ITGA1: variants seen among roughly 807,000 people sequenced by gnomAD.
The protein encoded by ITGA1 is integrin alpha-1.
In ITGA1, 85 loss-of-function variants were observed where a neutral mutation model predicts 145.9. That is an observed-to-expected ratio of 0.58 (90% CI 0.49 to 0.70). The LOEUF (loss-of-function observed/expected upper bound fraction) is 0.70. ITGA1 is among the 30% of genes least tolerant of loss of function. ITGA1 has a pLI of 0.00. For missense variants in ITGA1, 1,351 were observed against 1,418.7 expected (o/e 0.95, Z 0.77); for synonymous variants, 520 against 495.3 (o/e 1.05, Z -0.66).
At chr5:52,818,657 G>C (rs1335946936) in intron 1 of ITGA1, among the ~76,000 whole-genome samples, 3 of 152,148 alleles carry the variant, frequency 2.0e-5, no homozygotes, top group Non-Finnish European at 4.4e-5. Context: ...TAGACCATTA[G>C]AGAATTTAAA....
chr5:52,901,381 G>A (rs575957918), intron 11 of ITGA1, among the ~76,000 whole-genome samples: 4 of 152,160 alleles, frequency 2.6e-5, no homozygotes, highest in Non-Finnish European at 5.9e-5. Flanking sequence ...AAGATAAAAA[G>A]TTCATGATGC....
At chr5:52,802,176 C>T (rs1748502867) in intron 1 of ITGA1, 1 of 187,784 alleles carries the variant, frequency 5.3e-6, no homozygotes, top group African/African-American at 2.4e-5. Flanking sequence ...CAAAATTTCA[C>T]ACTGCATGCT....
chr5:52,871,916 G>A (rs1749782295), intron 6 of ITGA1, among the ~76,000 whole-genome samples: 1 of 151,900 alleles, frequency 6.6e-6, no homozygotes, highest in Non-Finnish European at 1.5e-5. Flanking sequence ...AAGATATGAT[G>A]GTGTAAACAT....
In ITGA1 at chr5:52,849,479, GA is replaced by G; in HGVS notation, c.180del (p.Lys60AsnfsTer9). On this transcript the variant is annotated frameshift_variant, in exon 2 of 29. Coordinates refer to ENST00000282588, the MANE Select transcript of ITGA1 (RefSeq NM_181501.2). LOFTEE classifies it high-confidence loss of function. ...YTVQQYENEE[G>X]KWVLIGSPLV... is the part of the protein sequence containing the mutation. ...GTTCAACAATATGAAAATGAAGAAG[GA>G]AAATGGTAAGCCAGTGGGTTTTGTT... is the stretch of plus-strand genomic sequence containing the variant. 5.0e-6 allele frequency: 8 copies of G among 1,598,692 alleles called. No individual in the cohort carries two copies. The highest frequency in any genetic ancestry group is 1.3e-5 in the African/African-American group (1 of 74,812).
chr5:52,826,692 T>G (rs1159670874), intron 1 of ITGA1, among the ~76,000 whole-genome samples: 3 of 152,228 alleles, frequency 2.0e-5, no homozygotes, highest in Non-Finnish European at 4.4e-5. Flanking sequence ...AGCACTATGC[T>G]AAATCTACCT....
Position 52,911,070 on chromosome 5 carries a change from TGTATATATA to T in ITGA1, c.1857+663_1857+671del, listed in dbSNP as rs1461765740. Among the ~76,000 whole-genome samples, 542 of 133,366 alleles carry T rather than the reference TGTATATATA, an allele frequency of 4.1e-3. 2 individuals carry two copies. Among genetic ancestry groups the T allele is most frequent in the Middle Eastern group, 0.034 (3 of 88 alleles). The allele number at this position is 133,366 out of a possible 152,430, so 87.5% of individuals were successfully genotyped here. A position where few individuals can be genotyped will look rare whatever the true frequency, so the allele number is the denominator to read the frequency against. On this transcript the variant is annotated intron_variant, in intron 14 of 28. Coordinates refer to ENST00000282588, the MANE Select transcript of ITGA1 (RefSeq NM_181501.2). The stretch of plus-strand genomic sequence containing the variant: ...TATATACTATACATAGTGTATATAG[TGTATATATA>T]GTATATATAGTGTATATATAGTGTA...
intron 8 of ITGA1, among the ~76,000 whole-genome samples, chr5:52,892,375 TTAGACATTTCTGATGGGAATAG>T (rs143244899): frequency 0.028 from 4,318 of 152,282 alleles, 249 homozygotes; most frequent in African/African-American, 0.1. Context: ...GCTGGATCTC[TTAGACATTTCTGATGGGAATAG>T]TAAAATGGCA....
chr5:52,793,809 C>G (rs1748287506), intron 1 of ITGA1, among the ~76,000 whole-genome samples: 1 of 151,978 alleles, frequency 6.6e-6, no homozygotes, highest in Non-Finnish European at 1.5e-5. Context: ...TCCAAATGCT[C>G]TATCTTTAGA....
At chr5:52,922,676 G>T (rs1579722125) in intron 17 of ITGA1, 101 bp from the exon 18 acceptor site, 2 of 749,884 alleles carry the variant, frequency 2.7e-6, no homozygotes, top group East Asian at 5.0e-5. Context: ...CAAGAATGCT[G>T]CAGTAAGCCT....
intron 1 of ITGA1, among the ~76,000 whole-genome samples, chr5:52,814,066 A>G (rs1174316261): frequency 1.3e-5 from 2 of 152,146 alleles, no homozygotes; most frequent in Admixed American, 6.5e-5. Context: ...CTGATGACAT[A>G]TCACTGTTTT....
At chr5:52,851,427 C>A (rs1167169198) in intron 2 of ITGA1, among the ~76,000 whole-genome samples, 1 of 152,120 alleles carries the variant, frequency 6.6e-6, no homozygotes, top group African/African-American at 2.4e-5. Flanking sequence ...ACAGTCCCTC[C>A]TTTCAAGGCA....
chr5:52,889,086 T>A (rs1334815081), intron 8 of ITGA1, among the ~76,000 whole-genome samples: 1 of 139,508 alleles, frequency 7.2e-6, no homozygotes, highest in Non-Finnish European at 1.6e-5. Flanking sequence ...AGTATTTCAG[T>A]TGCTGCTCTA....
rs1750828261 is a variant in ITGA1, at chr5:52,927,451, C to A, written c.2614-133C>A. The A allele has an allele frequency of 1.3e-5, 8 of 598,110 alleles. No homozygotes were observed. The South Asian group carries it at 1.9e-4, about 14-fold the overall frequency. The allele number at this position is 598,110 out of a possible 1,614,324, so 37.1% of individuals were successfully genotyped here. A position where few individuals can be genotyped will look rare whatever the true frequency, so the allele number is the denominator to read the frequency against. ...GAACAGCTGGTCCCAGAATTCTGTG[C>A]CTCTTCCAGCTAAATCGAGACAAAA... On this transcript the variant is annotated intron_variant, in intron 19 of 28. Coordinates refer to ENST00000282588, the MANE Select transcript of ITGA1 (RefSeq NM_181501.2).
chr5:52,924,727 G>C (rs1011075251), intron 18 of ITGA1, among the ~76,000 whole-genome samples: 1 of 152,140 alleles, frequency 6.6e-6, no homozygotes, highest in Non-Finnish European at 1.5e-5. Context: ...GTGAGGTGGT[G>C]GTGGGACTGC....
chr5:52,789,577 C>T (rs2111636054), intron 1 of ITGA1, among the ~76,000 whole-genome samples: 1 of 152,240 alleles, frequency 6.6e-6, no homozygotes, highest in Middle Eastern at 3.4e-3. Flanking sequence ...GCTTTTCATC[C>T]AAACATTTCC....
At chr5:52,951,542 T>A (rs1341507668) in intron 28 of ITGA1, among the ~76,000 whole-genome samples, 1 of 152,224 alleles carries the variant, frequency 6.6e-6, no homozygotes, top group Admixed American at 6.5e-5. Context: ...CTTCATTTTT[T>A]ATTTCCAAAT....
intron 3 of ITGA1, among the ~76,000 whole-genome samples, chr5:52,864,382 GC>G (rs1749651929): frequency 6.6e-6 from 1 of 151,942 alleles, no homozygotes; most frequent in South Asian, 2.1e-4. Flanking sequence ...CCCTTTTCTT[GC>G]CAAAAATCGT....
chr5:52,794,485 A>T (rs1748300880), intron 1 of ITGA1, among the ~76,000 whole-genome samples: 1 of 142,124 alleles, frequency 7.0e-6, no homozygotes, highest in Admixed American at 7.4e-5. Context: ...GTATAAGAAT[A>T]CATGCAAATA....
rs2111869228 is a variant in ITGA1 at position 52,918,750 on chromosome 5, A to C, written c.2007A>C (p.Val669=). ...TTTGTAGGTCCCGAGATGTGGCCGT[A>C]GTTAAAGTGACCATGAATTTTGAGC... ...AALFWSRDVA[V]VKVTMNFEPN... The change falls in exon 16 of 29, where the codon GTA becomes GTC. Residue 669 remains valine, a synonymous_variant. Coordinates refer to ENST00000282588, the MANE Select transcript of ITGA1 (RefSeq NM_181501.2). The C allele has an allele frequency of 6.2e-7, 1 of 1,610,602 alleles. No individual in the cohort carries two copies. Among genetic ancestry groups the C allele is most frequent in the East Asian group, 2.2e-5 (1 of 44,840 alleles).
Sources: allele counts gnomAD v4.1 joint callset (sites outside exome capture counted in the v4.1 genomes callset), GRCh38; gene constraint gnomAD v4.1.1; transcripts MANE v1.5; gene names NCBI Gene and HGNC (gene_info 2026-07-23, HGNC 2026-07-21).